Variants in PTGR2 observed in about 807,000 individuals in gnomAD.
PTGR2 encodes 15-oxoprostaglandin 13-reductase.
A neutral mutation model predicts 43.4 loss-of-function variants in PTGR2; 32 were observed. That is an observed-to-expected ratio of 0.74 (90% CI 0.56 to 0.99). The LOEUF (loss-of-function observed/expected upper bound fraction) is 0.99, where lower values mean the gene tolerates loss of function less well. Among genes scored for constraint, PTGR2 ranks in the 50% least tolerant of loss-of-function variants. The pLI, the probability that PTGR2 is intolerant of heterozygous loss-of-function variation, is 0.00. For missense variants in PTGR2, 373 were observed against 420.0 expected (o/e 0.89, Z 0.98); for synonymous variants, 106 against 139.2 (o/e 0.76, Z 1.68).
chr14:73,872,118 G>A, intron 3 of PTGR2, among the ~76,000 whole-genome samples: 1 of 152,128 alleles, frequency 6.6e-6, no homozygotes, highest in Non-Finnish European at 1.5e-5. Flanking sequence ...AGGCAAGAGT[G>A]AGCCACAGAG....
chr14:73,880,002 A>G, intron 6 of PTGR2, 53 bp from the exon 7 acceptor site: 19 of 1,591,892 alleles, frequency 1.2e-5, no homozygotes, highest in Non-Finnish European at 1.6e-5. Flanking sequence ...TGGCAGCCAT[A>G]AAATCAGTAA....
chr14:73,879,987 C>T, intron 6 of PTGR2, 68 bp from the exon 7 acceptor site: 2 of 1,523,256 alleles, frequency 1.3e-6, no homozygotes, highest in South Asian at 2.3e-5. Flanking sequence ...AGGAGGCTTC[C>T]ATTATGGCAG....
At chr14:73,874,647 C>T (rs75407731) in intron 4 of PTGR2, 1 of 455,156 alleles carries the variant, frequency 2.2e-6, no homozygotes, top group South Asian at 1.6e-5. Flanking sequence ...AATCCTCCCA[C>T]CTCAGCCTCC....
intron 2 of PTGR2, among the ~76,000 whole-genome samples, chr14:73,859,188 T>C (rs948123926): frequency 2.0e-5 from 3 of 152,154 alleles, no homozygotes; most frequent in Non-Finnish European, 2.9e-5. Flanking sequence ...ATTACAAATA[T>C]ATGTGGCTTT....
intron 4 of PTGR2, among the ~76,000 whole-genome samples, chr14:73,875,700 C>G (rs1174416038): frequency 6.8e-6 from 1 of 146,092 alleles, no homozygotes; most frequent in Non-Finnish European, 1.5e-5. Context: ...ACTTAAAGAT[C>G]TTCCATTGTT....
chr14:73,878,611 A>G, intron 5 of PTGR2: 2 of 462,564 alleles, frequency 4.3e-6, no homozygotes, highest in Admixed American at 2.4e-5. Flanking sequence ...CAGCCACCGT[A>G]TGTGGCTGAA....
chr14:73,875,462 C>A (rs11844472), intron 4 of PTGR2, among the ~76,000 whole-genome samples: 1,693 of 152,144 alleles, frequency 0.011, 27 homozygotes, highest in African/African-American at 0.039. Flanking sequence ...TCTCCTGCCT[C>A]AGCCACCTGG....
chr14:73,866,947 G>A (rs1182451165), intron 3 of PTGR2, among the ~76,000 whole-genome samples: 1 of 151,822 alleles, frequency 6.6e-6, no homozygotes, highest in Non-Finnish European at 1.5e-5. Flanking sequence ...AAATTAGCCG[G>A]GTGTGGTGGC....
intron 5 of PTGR2, 40 bp downstream of exon 5, chr14:73,877,208 A>C (rs1392256948): frequency 2.0e-6 from 3 of 1,534,536 alleles, no homozygotes; most frequent in Non-Finnish European, 2.7e-6. Context: ...TGATTATTTG[A>C]CGATTGTTAT....
chr14:73,859,334 C>T (rs1453600448), intron 2 of PTGR2, among the ~76,000 whole-genome samples: 1 of 152,026 alleles, frequency 6.6e-6, no homozygotes, highest in Non-Finnish European at 1.5e-5. Context: ...AGATTTGGGT[C>T]ACTGCTGCCC....
chr14:73,870,041 AAAAG>A (rs1211490765), intron 3 of PTGR2, among the ~76,000 whole-genome samples: 1 of 152,078 alleles, frequency 6.6e-6, no homozygotes, highest in Non-Finnish European at 1.5e-5. Context: ...AGAAAAAAAA[AAAAG>A]AATCAGCTGG....
chr14:73,858,847 C>A lies in PTGR2; in HGVS notation c.-16C>A. On this transcript the variant is annotated 5_prime_UTR_variant, in exon 2 of 10. In the 5' UTR this introduces an upstream ATG that the reference lacks. Coordinates refer to ENST00000555661, the MANE Select transcript of PTGR2 (RefSeq NM_001146154.2). The stretch of plus-strand genomic sequence containing the variant: ...TTTATACAGAAATCTTGTGAAACCA[C>A]TGCCCAACCAGAGCAATGATTGTTC... 2 of 1,607,526 alleles carry A rather than the reference C, an allele frequency of 1.2e-6. No homozygotes were observed. The highest frequency in any genetic ancestry group is 1.7e-6 in the Non-Finnish European group (2 of 1,175,944).
At chr14:73,855,737 C>G (rs892086869) in intron 1 of PTGR2, among the ~76,000 whole-genome samples, 1 of 150,798 alleles carries the variant, frequency 6.6e-6, no homozygotes, top group African/African-American at 2.4e-5. Flanking sequence ...TGAGCCACCA[C>G]GCCCGGAGTA....
At chr14:73,883,639 C>T (rs1290261826) in intron 9 of PTGR2, among the ~76,000 whole-genome samples, 2 of 152,016 alleles carry the variant, frequency 1.3e-5, no homozygotes, top group South Asian at 2.1e-4. Flanking sequence ...GCACACACCA[C>T]CACTCCCAGC....
intron 3 of PTGR2, 23 bp downstream of exon 3, chr14:73,860,680 T>A (rs757106512): frequency 9.1e-7 from 1 of 1,093,740 alleles, no homozygotes; most frequent in Non-Finnish European, 1.4e-6. Context: ...ATGTTGTAAC[T>A]TGGTGAAAAA....
chr14:73,867,804 T>C (rs906149339), intron 3 of PTGR2, among the ~76,000 whole-genome samples: 1 of 152,234 alleles, frequency 6.6e-6, no homozygotes, highest in Admixed American at 6.5e-5. Context: ...CCGTTGTTTC[T>C]TTCCTAATGG....
At chr14:73,876,623 A>G (rs1325168156) in intron 4 of PTGR2, among the ~76,000 whole-genome samples, 2 of 151,650 alleles carry the variant, frequency 1.3e-5, no homozygotes, top group Admixed American at 6.6e-5. Context: ...TTACAGGCGC[A>G]TGCCACCATG....
chr14:73,866,007 C>CT (rs559326874), intron 3 of PTGR2, among the ~76,000 whole-genome samples: 2,403 of 143,620 alleles, frequency 0.017, 51 homozygotes, highest in African/African-American at 0.056. Flanking sequence ...ATCTGTTTTT[C>CT]TTTTTTTTTT....
intron 9 of PTGR2, 119 bp from the exon 10 acceptor site, chr14:73,883,982 G>A (rs2055066592): frequency 1.0e-5 from 7 of 667,570 alleles, no homozygotes; most frequent in Middle Eastern, 7.3e-4. Context: ...TTTCTTCTAT[G>A]CTTAATATTC....
Sources: gnomAD v4.1 joint callset for allele counts (sites outside exome capture counted in the v4.1 genomes callset) on GRCh38, gnomAD v4.1.1 for gene constraint, MANE v1.5 for transcripts, NCBI Gene and HGNC (gene_info 2026-07-23, HGNC 2026-07-21) for gene names.